The following CSDE1 variants were observed in gnomAD, a reference collection of about 807,000 sequenced individuals.
CSDE1 encodes cold shock domain containing E1, also known as cold shock domain-containing protein E1.
A neutral mutation model predicts 89.3 loss-of-function variants in CSDE1; 17 were observed. The ratio of observed to expected loss-of-function variants is 0.19; its 90% CI spans 0.13 to 0.29. CSDE1 has a LOEUF of 0.29. Ranked by LOEUF, CSDE1 falls within the 10% of genes least tolerant of loss-of-function variation. The pLI, the probability that CSDE1 is intolerant of heterozygous loss-of-function variation, is 1.00. For missense variants in CSDE1, 672 were observed against 984.2 expected (o/e 0.68, Z 4.24); for synonymous variants, 322 against 332.8 (o/e 0.97, Z 0.35).
intron 7 of CSDE1, 105 bp downstream of exon 7, chr1:114,734,337 T>G: frequency 8.7e-7 from 1 of 1,149,590 alleles, no homozygotes; most frequent in Admixed American, 2.6e-5. Flanking sequence ...TGAAATATTT[T>G]AAAAGGGTAA....
At chr1:114,736,710 G>GA in intron 6 of CSDE1, 48 bp downstream of exon 6, 3 of 1,205,210 alleles carry the variant, frequency 2.5e-6, no homozygotes, top group South Asian at 1.4e-5. Flanking sequence ...AATGGAGGGG[G>GA]GAAAAAAAAA....
rs6667905 is a variant in CSDE1 at position 114,721,130 on chromosome 1, G to A, written c.1874-413C>T. Among the ~76,000 whole-genome samples the A allele has an allele frequency of 7.0e-3, 1,059 of 152,164 alleles. 17 individuals are homozygous for A. The highest frequency in any genetic ancestry group is 0.023 in the African/African-American group (964 of 41,512). ...TCAATGAGCCAGTAAACAACTAGGC[G>A]GGCACAGGCAAAAACAATTTAGATA... On this transcript the variant is annotated intron_variant, in intron 16 of 19. Coordinates refer to ENST00000358528, the MANE Select transcript of CSDE1 (RefSeq NM_001007553.3).
chr1:114,733,233 A>G (rs1660200149), intron 9 of CSDE1, among the ~76,000 whole-genome samples: 2 of 152,166 alleles, frequency 1.3e-5, no homozygotes, highest in South Asian at 4.1e-4. Flanking sequence ...CCAGTAAAAA[A>G]AAATACATAT....
At chr1:114,738,129 G>C in intron 3 of CSDE1, 57 bp from the exon 4 acceptor site, 1 of 1,276,456 alleles carries the variant, frequency 7.8e-7, no homozygotes. Flanking sequence ...ACGATATATT[G>C]CTTCCAAGCT....
rs1660494528 is a variant in CSDE1, at chr1:114,737,959, T to C, written c.309+4A>G. On this transcript the variant is annotated splice_donor_region_variant and intron_variant, in intron 4 of 19. Coordinates refer to ENST00000358528, the MANE Select transcript of CSDE1 (RefSeq NM_001007553.3). ...AAAAAACACAAAGCATCAAAGTCAC[T>C]AACTTGTCCATTCATTCGTTCTTCA... 6.3e-7 allele frequency: 1 copy of C among 1,595,426 alleles called. No homozygotes were observed. Among genetic ancestry groups the C allele is most frequent in the African/African-American group, 1.3e-5 (1 of 74,652 alleles).
intron 13 of CSDE1, 93 bp from the exon 14 acceptor site, chr1:114,726,479 G>C: frequency 2.1e-6 from 2 of 955,112 alleles, no homozygotes; most frequent in African/African-American, 1.7e-5. Context: ...CCCAGCGCAT[G>C]CTTTTCATTC....
At chr1:114,731,485 T>TA (rs890432649) in intron 10 of CSDE1, among the ~76,000 whole-genome samples, 9 of 152,008 alleles carry the variant, frequency 5.9e-5, no homozygotes, top group Non-Finnish European at 1.2e-4. Context: ...GGCAAAGGAT[T>TA]AAAAAAAACT....
At chr1:114,737,807 A>T (rs989868329) in intron 4 of CSDE1, among the ~76,000 whole-genome samples, 156 bp downstream of exon 4, 3 of 152,194 alleles carry the variant, frequency 2.0e-5, no homozygotes, top group Admixed American at 2.0e-4. Context: ...AGGTCAAGAA[A>T]TGCCAGTGCT....
Position 114,750,121 on chromosome 1 carries a change from G to A in CSDE1, c.-301C>T, listed in dbSNP as rs959904252. On this transcript the variant is annotated 5_prime_UTR_variant, in exon 2 of 20. Transcript: ENST00000358528. ...CTTAAGTGTACTCTTCTTTGGTCTT[G>A]TTAGTTGTTACGAGGTTTGTTCCTT... 6.6e-6 allele frequency: 1 copy of A among 152,624 alleles called. No individual in the cohort carries two copies. The highest frequency in any genetic ancestry group is 6.5e-5 in the Admixed American group (1 of 15,280). The allele number at this position is 152,624 out of a possible 1,614,324, so 9.5% of individuals were successfully genotyped here.
chr1:114,727,216 G>C, intron 12 of CSDE1, 126 bp from the exon 13 acceptor site: 1 of 594,178 alleles, frequency 1.7e-6, no homozygotes. Context: ...TCTTATTCCA[G>C]CATTTTCTAA....
intron 2 of CSDE1, 115 bp from the exon 3 acceptor site, chr1:114,740,005 G>T (rs1660633705): frequency 1.3e-6 from 1 of 785,438 alleles, no homozygotes; most frequent in Non-Finnish European, 2.1e-6. Flanking sequence ...AAAGTAAAAT[G>T]AAGGGAAGAT....
At chr1:114,740,917 G>T (rs377695815) in intron 2 of CSDE1, among the ~76,000 whole-genome samples, 1 of 152,120 alleles carries the variant, frequency 6.6e-6, no homozygotes, top group East Asian at 1.9e-4. Flanking sequence ...TTAATAAAAA[G>T]GATATATTTT....
chr1:114,749,570 G>A (rs1209532736), intron 2 of CSDE1, among the ~76,000 whole-genome samples: 1 of 152,098 alleles, frequency 6.6e-6, no homozygotes, highest in Non-Finnish European at 1.5e-5. Flanking sequence ...TAGTACAGAC[G>A]GAGCTTCTCT....
At chr1:114,721,002 C>T (rs1183205609) in intron 16 of CSDE1, among the ~76,000 whole-genome samples, 1 of 152,186 alleles carries the variant, frequency 6.6e-6, no homozygotes, top group African/African-American at 2.4e-5. Flanking sequence ...CATTTACAAT[C>T]CCATTGCCTA....
At chr1:114,737,421 A>G (rs765541309) in intron 5 of CSDE1, 50 bp downstream of exon 5, 2 of 1,362,782 alleles carry the variant, frequency 1.5e-6, no homozygotes, top group South Asian at 2.4e-5. Flanking sequence ...GTACGCTTAT[A>G]GATCACATGG....
chr1:114,753,678 C>A (rs561071861), intron 1 of CSDE1, among the ~76,000 whole-genome samples: 5 of 152,234 alleles, frequency 3.3e-5, no homozygotes, highest in East Asian at 3.9e-4. Context: ...AGCACTGTGG[C>A]AGGCCAAGGT....
At position 114,720,715 on chromosome 1, in the gene CSDE1, C is replaced by T. The variant is rs562518461; in HGVS notation, c.1876G>A (p.Asp626Asn). 2.1e-4 allele frequency: 334 copies of T among 1,613,966 alleles called. No individual in the cohort carries two copies. In the South Asian group the frequency reaches 3.3e-3, roughly 16 times the overall value. Residue 626 changes from aspartate (D) to asparagine (N), a missense_variant and splice_region_variant, in exon 17 of 20, where the codon GAT becomes AAT. Physicochemically the swap from Asp to Asn is conservative, Grantham distance 23. Coordinates refer to ENST00000358528, the MANE Select transcript of CSDE1 (RefSeq NM_001007553.3). ...AATGGATAGACCTCACCTTTCATAT[C>T]GCCTGTAAAACAGGTACAAAGTCTA... The part of the protein sequence containing the change: ...QGMIEIVEEG[D>N]MKGEVYPFGI...
At chr1:114,754,473 G>C (rs182003975) in intron 1 of CSDE1, among the ~76,000 whole-genome samples, 3 of 152,168 alleles carry the variant, frequency 2.0e-5, no homozygotes, top group Non-Finnish European at 4.4e-5. Flanking sequence ...CACTCACTTC[G>C]GGAAAAGTTA....
chr1:114,742,176 G>C (rs925128227), intron 2 of CSDE1, among the ~76,000 whole-genome samples: 1 of 151,976 alleles, frequency 6.6e-6, no homozygotes, highest in African/African-American at 2.4e-5. Flanking sequence ...GGAAAGAGTG[G>C]AGAACTCCAA....
Sources: allele counts gnomAD v4.1 joint callset (sites outside exome capture counted in the v4.1 genomes callset), GRCh38; gene constraint gnomAD v4.1.1; transcripts MANE v1.5; gene names NCBI Gene and HGNC (gene_info 2026-07-23, HGNC 2026-07-21).